The following ABR variants were observed in gnomAD, a reference collection of about 807,000 sequenced individuals.
The protein encoded by ABR is ABR activator of RhoGEF and GTPase.
A neutral mutation model predicts 107.2 loss-of-function variants in ABR; 35 were observed. That is an observed-to-expected ratio of 0.33 (90% confidence interval 0.25 to 0.43). The LOEUF (loss-of-function observed/expected upper bound fraction) is 0.43. ABR is among the 20% of genes least tolerant of loss of function. The probability of loss-of-function intolerance (pLI) is 1.00; values close to 1 mark genes in which losing one functional copy is unlikely to be tolerated. For synonymous variants in ABR, 498 were observed against 462.0 expected, an observed-to-expected ratio of 1.08 and a Z score of -1.00; for missense variants, 815 against 1,115.2, an observed-to-expected ratio of 0.73 and a Z score of 3.83.
chr17:1,012,700 C>A lies in ABR; in HGVS notation c.1949G>T (p.Ser650Ile), dbSNP rs537675832. The A allele has an allele frequency of 2.1e-5, 33 of 1,582,948 alleles. No homozygotes were observed. Among genetic ancestry groups the A allele is most frequent in the Non-Finnish European group, 2.8e-5 (32 of 1,163,194 alleles). Residue 650 changes from serine to isoleucine, a missense_variant, in exon 18 of 23, where the codon AGC becomes ATC. By Grantham distance (142) the Ser-to-Ile change is moderately radical. Coordinates refer to ENST00000302538, the MANE Select transcript of ABR (RefSeq NM_021962.5). ...KQTGVFGVKI[S>I]VVTKRERSKV... ...AGGCAGCACCTACTTCGTCACCACG[C>A]TGATCTTCACACCGAAGACGCCGGT... is the stretch of plus-strand genomic sequence containing the variant.
intron 1 of ABR, 134 bp from the exon 2 acceptor site, chr17:1,125,501 G>A (rs2039556997): frequency 1.1e-6 from 1 of 871,930 alleles, no homozygotes; most frequent in African/African-American, 1.8e-5. Context: ...GCCCGGGCGG[G>A]GGCTGTGCGG....
chr17:1,224,656 AG>A (rs1380400586), intron 1 of ABR, among the ~76,000 whole-genome samples: 1 of 152,028 alleles, frequency 6.6e-6, no homozygotes, highest in African/African-American at 2.4e-5. Context: ...CCTTGCTGGG[AG>A]GGGGAAACAC....
chr17:1,028,296 A>C (rs1597437756), intron 16 of ABR, among the ~76,000 whole-genome samples: 2 of 144,694 alleles, frequency 1.4e-5, no homozygotes, highest in African/African-American at 5.2e-5. Context: ...ACGGGGTTTC[A>C]CCATGTTGGC....
chr17:1,204,901 C>CTTTTTTTTTTTTT (rs869034249), intron 1 of ABR, among the ~76,000 whole-genome samples: 3 of 32,116 alleles, frequency 9.3e-5, no homozygotes, highest in African/African-American at 3.2e-4. Flanking sequence ...TTTTCTTTTT[C>CTTTTTTTTTTTTT]TTTTTTTTTT....
Position 1,005,158 on chromosome 17 carries a change from C to T in ABR, c.*922G>A, listed in dbSNP as rs2150681214. Reference sequence around the variant, plus strand: ...TCAGCAGCCTGACCGCCTCCTCCCCCATTCTCTCCTGACCCTCTGGCTATC... The same window carrying T: ...TCAGCAGCCTGACCGCCTCCTCCCCTATTCTCTCCTGACCCTCTGGCTATC... On this transcript the variant is annotated 3_prime_UTR_variant, in exon 23 of 23. Coordinates refer to ENST00000302538, the MANE Select transcript of ABR (RefSeq NM_021962.5). 1.0e-5 allele frequency: 4 copies of T among 398,864 alleles called. No individual in the cohort carries two copies. The highest frequency in any genetic ancestry group is 1.8e-5 in the Non-Finnish European group (4 of 226,228). 24.7% of individuals were successfully genotyped at this position (398,864 alleles called of 1,614,324 possible).
At chr17:1,020,059 G>A (rs938011196) in intron 16 of ABR, among the ~76,000 whole-genome samples, 4 of 152,196 alleles carry the variant, frequency 2.6e-5, no homozygotes, top group African/African-American at 9.7e-5. Context: ...GGCCGTACAT[G>A]GTCACTGAGA....
intron 3 of ABR, among the ~76,000 whole-genome samples, chr17:1,098,133 C>T (rs34823288): frequency 0.11 from 16,167 of 149,172 alleles, 1,098 homozygotes; most frequent in South Asian, 0.23. Context: ...AGTGCAGTGG[C>T]GCAATCTCTG....
Position 1,094,674 on chromosome 17 carries a change from G to A in ABR, c.346-2824C>T, listed in dbSNP as rs575847736. ...GTGTTGAGCCACCATGCCTGGCTGA[G>A]ACCTTTATAATCCAGTTGGGCAAAA... is the stretch of plus-strand genomic sequence containing the variant. On this transcript the variant is annotated intron_variant, in intron 3 of 22. Transcript: ENST00000302538. 3.3e-5 allele frequency among the ~76,000 whole-genome samples: 5 copies of A among 152,282 alleles called. No homozygotes were observed. The South Asian group carries it at 8.3e-4, about 25-fold the overall frequency.
intron 2 of ABR, among the ~76,000 whole-genome samples, chr17:1,114,950 G>A (rs556459374): frequency 4.1e-4 from 62 of 152,322 alleles, no homozygotes; most frequent in African/African-American, 1.3e-3. Flanking sequence ...ACTGCAATGA[G>A]CAAGTTTTGT....
chr17:1,045,674 T>TAGC (rs1311708713), intron 16 of ABR, among the ~76,000 whole-genome samples: 4 of 152,236 alleles, frequency 2.6e-5, no homozygotes, highest in African/African-American at 9.6e-5. Context: ...TGGAAGCATT[T>TAGC]AGCACCGTGC....
chr17:1,064,483 CCTCTA>C (rs2034454226), intron 10 of ABR, among the ~76,000 whole-genome samples: 1 of 98,674 alleles, frequency 1.0e-5, no homozygotes, highest in South Asian at 3.8e-4. Context: ...TATGCATGTT[CCTCTA>C]GACACTGTTG....
chr17:1,112,117 A>T (rs950512036), intron 2 of ABR, among the ~76,000 whole-genome samples: 1 of 152,184 alleles, frequency 6.6e-6, no homozygotes, highest in Non-Finnish European at 1.5e-5. Flanking sequence ...GACCACACGT[A>T]CTTCCCCACT....
At chr17:1,018,065 C>T (rs536156700) in intron 16 of ABR, among the ~76,000 whole-genome samples, 16 of 150,990 alleles carry the variant, frequency 1.1e-4, no homozygotes, top group African/African-American at 1.5e-4. Flanking sequence ...ATTTTTGAGA[C>T]GGAGTCTTGC....
intron 2 of ABR, among the ~76,000 whole-genome samples, chr17:1,103,927 G>A (rs769633285): frequency 5.2e-4 from 79 of 152,316 alleles, no homozygotes; most frequent in Non-Finnish European, 9.3e-4. Flanking sequence ...AGAGCCATGA[G>A]GAAATTCACA....
chr17:1,143,498 GCAGCTCGCTCCTGGGGGA>G (rs1373258227), intron 1 of ABR, among the ~76,000 whole-genome samples: 54,065 of 90,908 alleles, frequency 0.59, 16,228 homozygotes, highest in East Asian at 0.75. Context: ...CTCCTGGGGG[GCAGCTCGCTCCTGGGGGA>G]CAGCTCGCTC....
At chr17:1,181,357 G>A (rs1423460074), upstream of ABR, among the ~76,000 whole-genome samples, 1 of 152,202 alleles carries the variant, frequency 6.6e-6, no homozygotes, top group Non-Finnish European at 1.5e-5. Context: ...GCCCCTGGGA[G>A]ACGCACAGGA....
intron 16 of ABR, chr17:1,031,902 G>GTCCCTCCTCCCTCCCTCCCTCCTCCGCA: frequency 2.9e-6 from 3 of 1,028,478 alleles, no homozygotes; most frequent in Non-Finnish European, 3.6e-6. Flanking sequence ...CTCCGTCCGC[G>GTCCCTCCTCCCTCCCTCCCTCCTCCGCA]TCCCTCCTCC....
chr17:1,211,976 G>C (rs2042911173), intron 1 of ABR, among the ~76,000 whole-genome samples: 1 of 151,730 alleles, frequency 6.6e-6, no homozygotes, highest in South Asian at 2.1e-4. Context: ...CAGCTACTCG[G>C]GAGGCTGAGG....
chr17:1,012,891 A>T, intron 17 of ABR, 94 bp from the exon 18 acceptor site: 1 of 1,164,760 alleles, frequency 8.6e-7, no homozygotes, highest in Non-Finnish European at 1.3e-6. Context: ...AAGACTGCAA[A>T]TGAGGGCTAG....
Sources: gnomAD v4.1 joint callset for allele counts (sites outside exome capture counted in the v4.1 genomes callset) on GRCh38, gnomAD v4.1.1 for gene constraint, MANE v1.5 for transcripts, NCBI Gene and HGNC (gene_info 2026-07-23, HGNC 2026-07-21) for gene names.